Variants in CARHSP1 observed in about 807,000 individuals in gnomAD.
The protein encoded by CARHSP1 is calcium regulated heat stable protein 1, also known as calcium-regulated heat-stable protein 1.
In CARHSP1, 14 loss-of-function variants were observed where a neutral mutation model predicts 12.5. That is an observed-to-expected ratio of 1.12 (90% CI 0.74 to 1.75). The LOEUF (loss-of-function observed/expected upper bound fraction) is 1.75. CARHSP1 is among the 40% of genes most tolerant of loss of function. The pLI is 0.00. For synonymous variants in CARHSP1, 161 were observed against 82.0 expected (o/e 1.96, Z -5.20); for missense variants, 343 against 201.6 (o/e 1.70, Z -4.25).
At position 8,857,267 on chromosome 16, in the gene CARHSP1, T is replaced by TTTTTTTTTTG. The variant is rs1567181114; in HGVS notation, c.281+1082_281+1083insCAAAAAAAAA. ...TATGTGATCTTGGGCAGATCTGTTT[T>TTTTTTTTTTG]TTTTTTTTTTTTTTTTTTTTTTTTT... is the stretch of plus-strand genomic sequence containing the variant. On this transcript the variant is annotated intron_variant, in intron 3 of 3. Coordinates refer to ENST00000311052, the MANE Select transcript of CARHSP1 (RefSeq NM_014316.4). 3.5e-4 allele frequency among the ~76,000 whole-genome samples: 6 copies of TTTTTTTTTTG among 17,236 alleles called. 1 individual carries two copies. Among genetic ancestry groups the TTTTTTTTTTG allele is most frequent in the African/African-American group, 1.2e-3 (6 of 5,152 alleles). 11.3% of individuals were successfully genotyped at this position (17,236 alleles called of 152,430 possible).
chr16:8,866,468 G>T, intron 1 of CARHSP1: 1 of 985,390 alleles, frequency 1.0e-6, no homozygotes, highest in Non-Finnish European at 1.2e-6. Flanking sequence ...GAGACACTGA[G>T]CTGACCCATC....
chr16:8,858,187 C>G (rs113791688), intron 3 of CARHSP1, 163 bp downstream of exon 3: 1 of 821,520 alleles, frequency 1.2e-6, no homozygotes, highest in Admixed American at 2.8e-5. Flanking sequence ...ACCCAACACA[C>G]ACACAGGAGC....
intron 1 of CARHSP1, chr16:8,861,799 G>A (rs1431815360): frequency 8.0e-7 from 1 of 1,245,788 alleles, no homozygotes; most frequent in South Asian, 1.4e-5. Flanking sequence ...ACAGGTCATA[G>A]AGTCCTAGAA....
chr16:8,862,806 C>T (rs1328928396), intron 1 of CARHSP1, among the ~76,000 whole-genome samples: 8 of 152,150 alleles, frequency 5.3e-5, no homozygotes, highest in Admixed American at 5.2e-4. Flanking sequence ...AGGAATCATG[C>T]CGCGTCATCA....
intron 1 of CARHSP1, among the ~76,000 whole-genome samples, chr16:8,863,767 T>TG (rs995529016): frequency 2.0e-5 from 3 of 151,508 alleles, no homozygotes; most frequent in Admixed American, 6.6e-5. Flanking sequence ...AGAAAACAAC[T>TG]GGGGGGCGGG....
rs141888260 is a variant in CARHSP1 at position 8,855,011 on chromosome 16, G to GC, written c.*152dup. ...CGGGAACACCCCACACCCCACACCTGCCCCCCATACCCCTTCCTCCAGGAG... is the reference window on the plus strand; with the variant it reads ...CGGGAACACCCCACACCCCACACCTGCCCCCCCATACCCCTTCCTCCAGGAG... On this transcript the variant is annotated 3_prime_UTR_variant, in exon 4 of 4. Transcript: ENST00000311052. The GC allele has an allele frequency of 0.079, 36,252 of 461,686 alleles. 2,685 individuals carry two copies. Among genetic ancestry groups the GC allele is most frequent in the South Asian group, 0.12 (3,216 of 25,858 alleles). 28.6% of individuals were successfully genotyped at this position (461,686 alleles called of 1,614,324 possible).
chr16:8,861,989 C>CTTCTTTTTTT (rs2061369426), intron 1 of CARHSP1, among the ~76,000 whole-genome samples: 2 of 79,772 alleles, frequency 2.5e-5, no homozygotes, highest in Non-Finnish European at 5.1e-5. Context: ...GCATAGCTGA[C>CTTCTTTTTTT]TTTTTTTTTT....
Position 8,856,088 on chromosome 16 carries a change from C to T in CARHSP1, c.282-762G>A, listed in dbSNP as rs539805458. 4.9e-4 allele frequency among the ~76,000 whole-genome samples: 74 copies of T among 152,300 alleles called. No individual in the cohort carries two copies. In the East Asian group the frequency reaches 0.012, roughly 24 times the overall value. ...CCTCCGAAAGTGCTGGGATTACAAG[C>T]GTGAGCCACCACGCCTGGACTCCCG... On this transcript the variant is annotated intron_variant, in intron 3 of 3. Coordinates refer to ENST00000311052, the MANE Select transcript of CARHSP1 (RefSeq NM_014316.4).
intron 2 of CARHSP1, chr16:8,858,774 C>T (rs896659010): frequency 4.7e-5 from 21 of 449,792 alleles, no homozygotes; most frequent in African/African-American, 4.1e-4. Flanking sequence ...CTATTAATAA[C>T]ACAAGCATCC....
intron 1 of CARHSP1, chr16:8,866,464 C>T (rs1461157293): frequency 2.0e-6 from 2 of 985,416 alleles, no homozygotes; most frequent in South Asian, 4.7e-5. Flanking sequence ...GACAGAGACA[C>T]TGAGCTGACC....
At chr16:8,861,201 T>C (rs2061343758) in intron 1 of CARHSP1, among the ~76,000 whole-genome samples, 1 of 59,806 alleles carries the variant, frequency 1.7e-5, no homozygotes, top group South Asian at 7.3e-4. Context: ...TTTTTTTTTA[T>C]AGAGACAGGG....
Position 8,854,583 on chromosome 16 carries a change from C to G in CARHSP1, c.*581G>C, listed in dbSNP as rs1330557588. On this transcript the variant is annotated 3_prime_UTR_variant, in exon 4 of 4. Coordinates refer to ENST00000311052, the MANE Select transcript of CARHSP1 (RefSeq NM_014316.4). ...AAAGGCACCAAAAGGCAACATCCGT[C>G]CAATCCAAAGACCGCCACCCCCGCC... 1.3e-5 allele frequency: 2 copies of G among 152,904 alleles called. No individual in the cohort carries two copies. The highest frequency in any genetic ancestry group is 1.3e-4 in the Admixed American group (2 of 15,290). 9.5% of individuals were successfully genotyped at this position (152,904 alleles called of 1,614,324 possible).
At position 8,861,691 on chromosome 16, in the gene CARHSP1, C is replaced by A. The variant is rs1198945845; in HGVS notation, c.-7-2356G>T. 3 of 1,289,022 alleles carry A rather than the reference C, an allele frequency of 2.3e-6. No homozygotes were observed. In the East Asian group the frequency reaches 1.7e-4, roughly 72 times the overall value. The allele number at this position is 1,289,022 out of a possible 1,614,324, so 79.8% of individuals were successfully genotyped here. ...CTCCTGTCCCTTCTCTCAGCTACAG[C>A]CGCGGCCAAGGAGGAACTCCTGAGT... On this transcript the variant is annotated intron_variant, in intron 1 of 3. Transcript: ENST00000311052.
chr16:8,860,100 C>G, intron 1 of CARHSP1: 1 of 982,256 alleles, frequency 1.0e-6, no homozygotes, highest in Non-Finnish European at 1.2e-6. Flanking sequence ...GGGGCAAAAA[C>G]TGACCCTCAC....
chr16:8,856,353 A>G (rs993927879), intron 3 of CARHSP1, among the ~76,000 whole-genome samples: 1 of 152,174 alleles, frequency 6.6e-6, no homozygotes, highest in Non-Finnish European at 1.5e-5. Context: ...GGAGAATCGT[A>G]TGGTGAAGAG....
At chr16:8,858,878 C>G (rs1184626166) in intron 2 of CARHSP1, 2 of 413,830 alleles carry the variant, frequency 4.8e-6, no homozygotes, top group African/African-American at 2.0e-5. Flanking sequence ...GCAGAATTCA[C>G]AGTCTCACAG....
chr16:8,857,233 C>G (rs1228329932), intron 3 of CARHSP1, among the ~76,000 whole-genome samples: 2 of 135,980 alleles, frequency 1.5e-5, no homozygotes, highest in Non-Finnish European at 3.1e-5. Flanking sequence ...ATTTCCATCA[C>G]TTTCTGGCTA....
chr16:8,857,646 A>T (rs1281649158), intron 3 of CARHSP1: 1 of 142,056 alleles, frequency 7.0e-6, no homozygotes, highest in Non-Finnish European at 1.5e-5. Context: ...CTGGAGTGCA[A>T]TGGCGAGATG....
chr16:8,859,025 C>G, intron 2 of CARHSP1, 146 bp downstream of exon 2: 4 of 687,704 alleles, frequency 5.8e-6, no homozygotes, highest in East Asian at 2.9e-5. Context: ...TTCCTAGTTT[C>G]TCACCCTCAG....
Sources: allele counts gnomAD v4.1 joint callset (sites outside exome capture counted in the v4.1 genomes callset), GRCh38; gene constraint gnomAD v4.1.1; transcripts MANE v1.5; gene names NCBI Gene and HGNC (gene_info 2026-07-23, HGNC 2026-07-21).